The following PTN variants were observed in gnomAD, a reference collection of about 807,000 sequenced individuals.
PTN encodes the protein pleiotrophin.
Under a neutral mutation model 24.1 loss-of-function variants are expected in PTN, and 18 were observed. The ratio of observed to expected loss-of-function variants is 0.75; its 90% confidence interval spans 0.52 to 1.11. PTN has a LOEUF of 1.11. Ranked by LOEUF, PTN falls within the 50% of genes least tolerant of loss-of-function variation. The pLI is 0.00. For missense variants in PTN, 163 were observed against 198.8 expected (o/e 0.82, Z 1.08); for synonymous variants, 78 against 68.6 (o/e 1.14, Z -0.67).
At chr7:137,305,251 G>A (rs138481754) in intron 1 of PTN, among the ~76,000 whole-genome samples, 23 of 152,168 alleles carry the variant, frequency 1.5e-4, no homozygotes, top group African/African-American at 5.5e-4. Context: ...TCCACAAGAT[G>A]TAAACATTCT....
intron 1 of PTN, among the ~76,000 whole-genome samples, chr7:137,259,402 T>G (rs1808993081): frequency 6.6e-6 from 1 of 152,032 alleles, no homozygotes; most frequent in Admixed American, 6.6e-5. Flanking sequence ...CACCTACTTT[T>G]TGAGTGTCCT....
chr7:137,299,323 A>C (rs1365071685), intron 1 of PTN, among the ~76,000 whole-genome samples: 2 of 151,878 alleles, frequency 1.3e-5, no homozygotes, highest in African/African-American at 4.8e-5. Context: ...ATAATACTAA[A>C]TGTTTTATAT....
chr7:137,316,768 C>G (rs997404725), intron 1 of PTN, among the ~76,000 whole-genome samples: 1 of 152,166 alleles, frequency 6.6e-6, no homozygotes, highest in Non-Finnish European at 1.5e-5. Context: ...ACCTTTCCAG[C>G]AAATTAGCCG....
rs1003758929 is a variant in PTN at position 137,274,444 on chromosome 7, T to C, written c.-1-19470A>G. ...TTGTTACATAGGTACACATGTGCCATGCTGCTTTGCTGCACCCATCAACCC... is the reference window on the plus strand; with the variant it reads ...TTGTTACATAGGTACACATGTGCCACGCTGCTTTGCTGCACCCATCAACCC... On this transcript the variant is annotated intron_variant, in intron 1 of 4. Coordinates refer to ENST00000348225, the MANE Select transcript of PTN (RefSeq NM_002825.7). 1.3e-5 allele frequency among the ~76,000 whole-genome samples: 2 copies of C among 152,132 alleles called. 1 individual carries two copies. Among genetic ancestry groups the C allele is most frequent in the Admixed American group, 1.3e-4 (2 of 15,272 alleles).
intron 4 of PTN, among the ~76,000 whole-genome samples, chr7:137,230,066 G>A (rs952787419): frequency 6.6e-6 from 1 of 151,704 alleles, no homozygotes; most frequent in Admixed American, 6.6e-5. Context: ...GGATATCTAA[G>A]TAGCAATTTT....
In PTN at chr7:137,271,350, C is replaced by T. The variant is rs186074050; in HGVS notation, c.-1-16376G>A. On this transcript the variant is annotated intron_variant, in intron 1 of 4. Transcript: ENST00000348225. The stretch of plus-strand genomic sequence containing the variant: ...TGACTTGGTAATATAGTAGAAAATC[C>T]GTTGTGACTAAAAGCATGGAGTCTT... Among the ~76,000 whole-genome samples the T allele has an allele frequency of 3.4e-4, 52 of 152,216 alleles. 1 individual carries two copies. In the East Asian group the frequency reaches 7.3e-3, roughly 21 times the overall value.
intron 1 of PTN, chr7:137,287,630 C>T (rs1312417725): frequency 1.3e-5 from 2 of 152,054 alleles, no homozygotes; most frequent in Non-Finnish European, 2.9e-5. Context: ...TTTTCATGAA[C>T]GTGTGACAGT....
chr7:137,229,293 A>G (rs750044401), intron 4 of PTN, among the ~76,000 whole-genome samples: 4 of 151,812 alleles, frequency 2.6e-5, no homozygotes, highest in Non-Finnish European at 4.4e-5. Context: ...GAGCAGGTCA[A>G]TGAATGTGCT....
chr7:137,327,008 A>C (rs2128882183), intron 1 of PTN: 1 of 152,304 alleles, frequency 6.6e-6, no homozygotes, highest in East Asian at 1.9e-4. Flanking sequence ...GAAACAGAGA[A>C]AGGGGTAAGT....
chr7:137,278,402 A>C (rs1233409656), intron 1 of PTN, among the ~76,000 whole-genome samples: 1 of 151,414 alleles, frequency 6.6e-6, no homozygotes, highest in Non-Finnish European at 1.5e-5. Flanking sequence ...ATTGTATGCT[A>C]TCTAGAAGAG....
chr7:137,290,144 C>T (rs1809617076), intron 1 of PTN, among the ~76,000 whole-genome samples: 1 of 152,100 alleles, frequency 6.6e-6, no homozygotes, highest in Non-Finnish European at 1.5e-5. Context: ...CAGGGAAACT[C>T]CCCCTTTTAA....
At chr7:137,281,647 T>G (rs939523098) in intron 1 of PTN, among the ~76,000 whole-genome samples, 1 of 152,240 alleles carries the variant, frequency 6.6e-6, no homozygotes, top group African/African-American at 2.4e-5. Context: ...AACCACAATT[T>G]CTTTAACAAT....
intron 4 of PTN, among the ~76,000 whole-genome samples, chr7:137,241,676 C>T (rs1000937846): frequency 6.6e-6 from 1 of 152,098 alleles, no homozygotes; most frequent in African/African-American, 2.4e-5. Context: ...AGAGTTAGAT[C>T]TCCCCACTTC....
At chr7:137,241,306 T>G (rs1808624359) in intron 4 of PTN, among the ~76,000 whole-genome samples, 1 of 152,320 alleles carries the variant, frequency 6.6e-6, no homozygotes, top group African/African-American at 2.4e-5. Flanking sequence ...TTTCCTTGTA[T>G]GTAAAAATAA....
chr7:137,247,268 G>T (rs1404959683), intron 4 of PTN, among the ~76,000 whole-genome samples: 2 of 152,186 alleles, frequency 1.3e-5, no homozygotes. Flanking sequence ...AGCAACGTAA[G>T]TGGCCATCAA....
At chr7:137,309,124 T>C (rs908333618) in intron 1 of PTN, among the ~76,000 whole-genome samples, 13 of 152,284 alleles carry the variant, frequency 8.5e-5, no homozygotes, top group African/African-American at 2.6e-4. Context: ...ATACTGCACA[T>C]TGGGTTCCAG....
chr7:137,254,615 G>A (rs1808887183), intron 2 of PTN, among the ~76,000 whole-genome samples: 1 of 151,796 alleles, frequency 6.6e-6, no homozygotes, highest in African/African-American at 2.4e-5. Context: ...CATAGTAGCT[G>A]CTAATTTGAT....
intron 1 of PTN, among the ~76,000 whole-genome samples, chr7:137,312,104 A>C (rs955636515): frequency 6.6e-6 from 1 of 152,162 alleles, no homozygotes; most frequent in African/African-American, 2.4e-5. Flanking sequence ...GAATCCATAA[A>C]ACCTACCTGA....
At chr7:137,250,590 T>C (rs1199691708) in intron 4 of PTN, among the ~76,000 whole-genome samples, 1 of 152,208 alleles carries the variant, frequency 6.6e-6, no homozygotes, top group Non-Finnish European at 1.5e-5. Context: ...TTTCCCTCAG[T>C]TGGGATCCTT....
Sources: allele counts gnomAD v4.1 joint callset (sites outside exome capture counted in the v4.1 genomes callset), GRCh38; gene constraint gnomAD v4.1.1; transcripts MANE v1.5; gene names NCBI Gene and HGNC (gene_info 2026-07-23, HGNC 2026-07-21).